Variants in RARB observed in about 807,000 individuals in gnomAD.
RARB encodes retinoic acid receptor beta.
Under a neutral mutation model 51.9 loss-of-function variants are expected in RARB, and 17 were observed. The observed-to-expected ratio is 0.33, with a 90% CI of 0.22 to 0.49. The LOEUF (loss-of-function observed/expected upper bound fraction) is 0.49. Among genes scored for constraint, RARB ranks in the 20% least tolerant of loss-of-function variants. The pLI is 0.99. For synonymous variants in RARB, 215 were observed against 195.4 expected, an observed-to-expected ratio of 1.10 and a Z score of -0.84; for missense variants, 369 against 550.8, an observed-to-expected ratio of 0.67 and a Z score of 3.30.
rs372975404 is a variant in RARB at position 25,119,659 on chromosome 3, C to CAA, written c.-327-12493_-327-12492dup. 9.9e-3 allele frequency among the ~76,000 whole-genome samples: 1,332 copies of CAA among 134,178 alleles called. 18 individuals carry two copies. The highest frequency in any genetic ancestry group is 0.034 in the African/African-American group (1,188 of 34,774). The allele number at this position is 134,178 out of a possible 152,430, so 88.0% of individuals were successfully genotyped here. A position where few individuals can be genotyped will look rare whatever the true frequency, so the allele number is the denominator to read the frequency against. On this transcript the variant is annotated intron_variant, in intron 3 of 11. Coordinates refer to the RARB transcript ENST00000383772. ...GTGAAAAAGTGATAAAACAAACAAACAAAAAAAAAACAACAACAAAAAAAA... is the reference window on the plus strand; with the variant it reads ...GTGAAAAAGTGATAAAACAAACAAACAAAAAAAAAAAACAACAACAAAAAAAA...
At chr3:25,407,106 G>A (rs891970912) in intron 5 of RARB, among the ~76,000 whole-genome samples, 8 of 152,028 alleles carry the variant, frequency 5.3e-5, no homozygotes, top group African/African-American at 1.2e-4. Flanking sequence ...CGATCTTTTC[G>A]GGATATTTCT....
chr3:25,394,700 T>C (rs1189387689), intron 5 of RARB, among the ~76,000 whole-genome samples: 1 of 152,196 alleles, frequency 6.6e-6, no homozygotes, highest in Non-Finnish European at 1.5e-5. Flanking sequence ...GTCTCTTTTG[T>C]CTGATATAAG....
At chr3:25,363,997 G>A (rs1052929221) in intron 5 of RARB, among the ~76,000 whole-genome samples, 9 of 152,040 alleles carry the variant, frequency 5.9e-5, no homozygotes, top group Non-Finnish European at 1.2e-4. Context: ...CATCTTCTTA[G>A]TAGGTTCTAT....
Position 25,197,031 on chromosome 3 carries a change from C to G in RARB, c.178+22456C>G, listed in dbSNP as rs142430260. Among the ~76,000 whole-genome samples the G allele has an allele frequency of 6.4e-3, 977 of 152,068 alleles. 20 individuals are homozygous for G. Among genetic ancestry groups the G allele is most frequent in the East Asian group, 0.034 (176 of 5,170 alleles). On this transcript the variant is annotated intron_variant, in intron 5 of 11. Transcript: ENST00000383772. ...ATTCTGTAGGTTGCCTGTTCACTCT[C>G]ATGGTAGTTTCTTTTGCCGTTCAGA...
chr3:25,045,290 T>G (rs965884556), intron 2 of RARB, among the ~76,000 whole-genome samples: 4 of 152,194 alleles, frequency 2.6e-5, no homozygotes, highest in African/African-American at 9.7e-5. Flanking sequence ...CTTTCTGGTT[T>G]CCCTCTCCCT....
At chr3:25,303,666 C>G (rs1272002931) in intron 5 of RARB, among the ~76,000 whole-genome samples, 1 of 152,182 alleles carries the variant, frequency 6.6e-6, no homozygotes, top group Non-Finnish European at 1.5e-5. Context: ...TCTCTTCCCT[C>G]AATAAATGTG....
At chr3:25,370,635 G>A (rs1706270153) in intron 5 of RARB, among the ~76,000 whole-genome samples, 1 of 152,208 alleles carries the variant, frequency 6.6e-6, no homozygotes, top group African/African-American at 2.4e-5. Flanking sequence ...TGTGGCATGT[G>A]GGAAGTAGTT....
intron 2 of RARB, among the ~76,000 whole-genome samples, chr3:24,917,256 T>C (rs1695126078): frequency 6.6e-6 from 1 of 152,130 alleles, no homozygotes; most frequent in Non-Finnish European, 1.5e-5. Context: ...TTCATGACCT[T>C]AGGTTAAGAG....
intron 3 of RARB, among the ~76,000 whole-genome samples, chr3:25,066,604 A>AAC (rs5847340): frequency 0.1 from 14,863 of 146,704 alleles, 726 homozygotes; most frequent in African/African-American, 0.13. Context: ...CGCACACATA[A>AAC]ACACACACAC....
intron 2 of RARB, among the ~76,000 whole-genome samples, chr3:24,924,656 T>A (rs1210321951): frequency 6.6e-6 from 1 of 152,194 alleles, no homozygotes; most frequent in Non-Finnish European, 1.5e-5. Context: ...ATACTATTGA[T>A]GTCAATGAGG....
chr3:25,428,761 G>A lies in RARB; in HGVS notation c.30G>A (p.Val10=). 2 of 1,614,098 alleles carry A rather than the reference G, an allele frequency of 1.2e-6. No individual in the cohort carries two copies. Among genetic ancestry groups the A allele is most frequent in the Non-Finnish European group, 1.7e-6 (2 of 1,180,000 alleles). Reference sequence around the variant, plus strand: ...TTGACTGTATGGATGTTCTGTCAGTGAGTCCTGGGCAAATCCTGGATTTCT... The same window carrying A: ...TTGACTGTATGGATGTTCTGTCAGTAAGTCCTGGGCAAATCCTGGATTTCT... The part of the protein sequence containing the change: MFDCMDVLS[V]SPGQILDFYT... Residue 10 remains valine (V), a synonymous_variant, in exon 1 of 8, where the codon GTG becomes GTA. Coordinates refer to ENST00000330688, the MANE Select transcript of RARB (RefSeq NM_000965.5).
At chr3:25,085,299 C>G (rs551740078) in intron 3 of RARB, among the ~76,000 whole-genome samples, 53 of 152,056 alleles carry the variant, frequency 3.5e-4, no homozygotes, top group Non-Finnish European at 6.0e-4. Flanking sequence ...GAAGCATGAA[C>G]TAATCATTCT....
At chr3:25,042,562 T>C (rs777144336) in intron 2 of RARB, among the ~76,000 whole-genome samples, 11 of 152,216 alleles carry the variant, frequency 7.2e-5, no homozygotes, top group Non-Finnish European at 4.4e-5. Flanking sequence ...AGAGATATGA[T>C]ATTAAATTAA....
At chr3:25,154,767 C>T (rs74376340) in intron 4 of RARB, among the ~76,000 whole-genome samples, 2,894 of 152,330 alleles carry the variant, frequency 0.019, 44 homozygotes, top group Non-Finnish European at 0.027. Context: ...TTGCCCAGTT[C>T]AGTTGTCACC....
chr3:25,428,155 G>T, upstream of RARB: 1 of 1,050,136 alleles, frequency 9.5e-7, no homozygotes, highest in Non-Finnish European at 1.2e-6. Context: ...TGAGAATCCT[G>T]GGAGTTGGTG....
intron 5 of RARB, among the ~76,000 whole-genome samples, chr3:25,236,585 G>A (rs939456321): frequency 2.0e-5 from 3 of 152,068 alleles, no homozygotes; most frequent in Non-Finnish European, 2.9e-5. Flanking sequence ...GGAAAGAAAA[G>A]GAGCATCTTT....
chr3:24,887,048 A>G (rs1159383080), intron 2 of RARB, among the ~76,000 whole-genome samples: 1 of 152,256 alleles, frequency 6.6e-6, no homozygotes, highest in African/African-American at 2.4e-5. Context: ...GCTTTTTTGA[A>G]TTAATGCCAT....
intron 2 of RARB, among the ~76,000 whole-genome samples, chr3:25,048,331 G>A (rs760593953): frequency 3.7e-4 from 56 of 152,132 alleles, no homozygotes; most frequent in Non-Finnish European, 7.2e-4. Context: ...GATCTAAATA[G>A]CTATACCTTG....
intron 5 of RARB, among the ~76,000 whole-genome samples, chr3:25,584,017 A>ACT (rs929727267): frequency 2.0e-5 from 3 of 151,162 alleles, no homozygotes; most frequent in African/African-American, 2.4e-5. Flanking sequence ...CTTTTCTTCC[A>ACT]CTCTCTCTCA....
Sources: gnomAD v4.1 joint callset for allele counts (sites outside exome capture counted in the v4.1 genomes callset) on GRCh38, gnomAD v4.1.1 for gene constraint, MANE v1.5 for transcripts, NCBI Gene and HGNC (gene_info 2026-07-23, HGNC 2026-07-21) for gene names.